The following PELI2 variants were observed in gnomAD, a reference collection of about 807,000 sequenced individuals.
The protein encoded by PELI2 is E3 ubiquitin-protein ligase pellino homolog 2.
In PELI2, 23 loss-of-function variants were observed where a neutral mutation model predicts 42.3. The ratio of observed to expected loss-of-function variants is 0.54; its 90% confidence interval spans 0.39 to 0.77. The LOEUF (loss-of-function observed/expected upper bound fraction) is 0.77, where lower values mean the gene tolerates loss of function less well. PELI2 is among the 30% of genes least tolerant of loss of function. The pLI, the probability that PELI2 is intolerant of heterozygous loss-of-function variation, is 0.00. For synonymous variants in PELI2, 245 were observed against 212.2 expected (o/e 1.15, Z -1.34); for missense variants, 463 against 553.2 (o/e 0.84, Z 1.64).
chr14:56,245,759 A>G (rs1410211443), intron 2 of PELI2, among the ~76,000 whole-genome samples: 2 of 152,230 alleles, frequency 1.3e-5, no homozygotes, highest in Non-Finnish European at 2.9e-5. Context: ...AAAAATAACA[A>G]TACAACAAAA....
chr14:56,156,833 G>A (rs1884584267), intron 1 of PELI2, among the ~76,000 whole-genome samples: 1 of 152,152 alleles, frequency 6.6e-6, no homozygotes, highest in Admixed American at 6.5e-5. Flanking sequence ...TACCTATAAG[G>A]TCATTTGTAG....
intron 2 of PELI2, among the ~76,000 whole-genome samples, chr14:56,186,957 T>C (rs1028475024): frequency 1.3e-5 from 2 of 152,184 alleles, no homozygotes; most frequent in Non-Finnish European, 2.9e-5. Context: ...CATCTTTTCA[T>C]GGAGGAAAAG....
At chr14:56,149,182 T>C (rs1283995375) in intron 1 of PELI2, among the ~76,000 whole-genome samples, 1 of 152,212 alleles carries the variant, frequency 6.6e-6, no homozygotes, top group Non-Finnish European at 1.5e-5. Flanking sequence ...GATAAAACAT[T>C]CTAACCAGGG....
At chr14:56,169,839 AT>A (rs1159381152) in intron 1 of PELI2, among the ~76,000 whole-genome samples, 3 of 152,200 alleles carry the variant, frequency 2.0e-5, no homozygotes, top group Non-Finnish European at 4.4e-5. Context: ...TCTGGGCTTT[AT>A]AGTCCATTGG....
At chr14:56,295,106 C>A (rs750349133) in intron 5 of PELI2, among the ~76,000 whole-genome samples, 5 of 152,132 alleles carry the variant, frequency 3.3e-5, no homozygotes, top group Non-Finnish European at 5.9e-5. Context: ...TCTCTCTAGT[C>A]CCTGTGCCTC....
chr14:56,261,185 A>G (rs1888703785), intron 2 of PELI2, among the ~76,000 whole-genome samples: 2 of 152,178 alleles, frequency 1.3e-5, no homozygotes, highest in Admixed American at 1.3e-4. Flanking sequence ...AAACTTCTGA[A>G]TAATATGTGC....
intron 2 of PELI2, among the ~76,000 whole-genome samples, chr14:56,259,433 G>C (rs1234387171): frequency 6.6e-6 from 1 of 152,122 alleles, no homozygotes; most frequent in Non-Finnish European, 1.5e-5. Flanking sequence ...CAGCATCAAG[G>C]ACAAGAGAGA....
chr14:56,145,118 T>TATTACCATTTCC (rs1884067588), intron 1 of PELI2: 1 of 232,486 alleles, frequency 4.3e-6, no homozygotes, highest in Non-Finnish European at 7.1e-6. Flanking sequence ...GCTGTGCAGG[T>TATTACCATTTCC]AGTGTGGCTG....
At chr14:56,270,347 A>G (rs1241634725) in intron 2 of PELI2, among the ~76,000 whole-genome samples, 1 of 152,196 alleles carries the variant, frequency 6.6e-6, no homozygotes, top group African/African-American at 2.4e-5. Context: ...AGTGTGTTTC[A>G]TGCAACGTAA....
chr14:56,239,429 C>T (rs902125155), intron 2 of PELI2, among the ~76,000 whole-genome samples: 3 of 152,202 alleles, frequency 2.0e-5, no homozygotes, highest in Admixed American at 2.0e-4. Context: ...GTCCTACCAA[C>T]ATATGAGAAC....
intron 2 of PELI2, among the ~76,000 whole-genome samples, chr14:56,182,157 A>C (rs1885608936): frequency 6.6e-6 from 1 of 152,220 alleles, no homozygotes; most frequent in Admixed American, 6.5e-5. Flanking sequence ...ACAAGGTACA[A>C]GGAAGGACCT....
rs1890089233 is a variant in PELI2 at position 56,298,742 on chromosome 14, C to T, written c.*1576C>T. On this transcript the variant is annotated 3_prime_UTR_variant, in exon 6 of 6. Coordinates refer to ENST00000267460, the MANE Select transcript of PELI2 (RefSeq NM_021255.3). The stretch of plus-strand genomic sequence containing the variant: ...ATAATATTACTCTTGATTGCTGCTG[C>T]TTAATTTGATGTAATATGTTTAAAG... The T allele has an allele frequency of 6.6e-6, 1 of 152,484 alleles. No individual in the cohort carries two copies. The highest frequency in any genetic ancestry group is 1.5e-5 in the Non-Finnish European group (1 of 68,020). The allele number at this position is 152,484 out of a possible 1,614,324, so 9.4% of individuals were successfully genotyped here. A position where few individuals can be genotyped will look rare whatever the true frequency, so the allele number is the denominator to read the frequency against.
intron 2 of PELI2, among the ~76,000 whole-genome samples, chr14:56,261,310 C>G (rs74488809): frequency 0.013 from 2,007 of 152,254 alleles, 25 homozygotes; most frequent in Non-Finnish European, 0.022. Flanking sequence ...GACAGTTTTG[C>G]TTACGGCTTG....
At chr14:56,242,582 A>G (rs987449702) in intron 2 of PELI2, among the ~76,000 whole-genome samples, 1 of 152,230 alleles carries the variant, frequency 6.6e-6, no homozygotes. Context: ...TTGCAATTGC[A>G]AAAATGTGGA....
chr14:56,289,363 G>A (rs558726381), intron 4 of PELI2, among the ~76,000 whole-genome samples: 1 of 152,276 alleles, frequency 6.6e-6, no homozygotes, highest in South Asian at 2.1e-4. Context: ...CTTCTTGTGG[G>A]TGAGAGCTGG....
chr14:56,159,669 A>G (rs1010121962), intron 1 of PELI2, among the ~76,000 whole-genome samples: 8 of 152,340 alleles, frequency 5.3e-5, no homozygotes, highest in African/African-American at 1.9e-4. Context: ...TAGGGTAAAA[A>G]AAATTATTTG....
chr14:56,123,122 C>T (rs1883125034), intron 1 of PELI2, among the ~76,000 whole-genome samples: 2 of 151,330 alleles, frequency 1.3e-5, no homozygotes, highest in South Asian at 4.2e-4. Flanking sequence ...TTGGATGATT[C>T]AGTGTTTTGT....
At chr14:56,120,553 A>G (rs1387978988) in intron 1 of PELI2, among the ~76,000 whole-genome samples, 2 of 152,202 alleles carry the variant, frequency 1.3e-5, no homozygotes, top group African/African-American at 2.4e-5. Context: ...ATGCTTTTCC[A>G]GGAGACCAAA....
intron 1 of PELI2, among the ~76,000 whole-genome samples, chr14:56,177,329 ATCTGTGGGACAGGAACAAGCCACCAGG>A (rs1193937143): frequency 1.3e-5 from 2 of 152,208 alleles, no homozygotes; most frequent in African/African-American, 4.8e-5. Flanking sequence ...AGGCCCAGGG[ATCTGTGGGACAGGAACAAGCCACCAGG>A]CCTGCTGTCT....
Sources: gnomAD v4.1 joint callset for allele counts (sites outside exome capture counted in the v4.1 genomes callset) on GRCh38, gnomAD v4.1.1 for gene constraint, MANE v1.5 for transcripts, NCBI Gene and HGNC (gene_info 2026-07-23, HGNC 2026-07-21) for gene names.